Variants in TANK observed in about 807,000 individuals in gnomAD.
TANK encodes the protein TRAF family member-associated NF-kappa-B activator.
Under a neutral mutation model 43.6 loss-of-function variants are expected in TANK, and 15 were observed. The observed-to-expected ratio is 0.34, with a 90% CI of 0.23 to 0.53. The LOEUF is 0.53. Ranked by LOEUF, TANK falls within the 20% of genes least tolerant of loss-of-function variation. The pLI, the probability that TANK is intolerant of heterozygous loss-of-function variation, is 0.94. For missense variants in TANK, 417 were observed against 498.6 expected (o/e 0.84, Z 1.56); for synonymous variants, 162 against 178.2 (o/e 0.91, Z 0.73).
At chr2:161,160,653 C>T (rs1684375924) in intron 1 of TANK, 167 bp downstream of exon 1, 2 of 532,022 alleles carry the variant, frequency 3.8e-6, no homozygotes, top group African/African-American at 1.9e-5. Flanking sequence ...GGATTTTGTG[C>T]GGGAGAAACC....
chr2:161,143,385 A>T (rs189715502), intron 1 of TANK, among the ~76,000 whole-genome samples: 3 of 152,362 alleles, frequency 2.0e-5, no homozygotes, highest in African/African-American at 7.2e-5. Flanking sequence ...GAGAGAGGGC[A>T]TCCTTGTCTT....
chr2:161,137,983 T>C, intron 1 of TANK: 2 of 608,536 alleles, frequency 3.3e-6, no homozygotes, highest in Non-Finnish European at 4.1e-6. Flanking sequence ...AAAATAATAA[T>C]AATGATTAAC....
intron 2 of TANK, among the ~76,000 whole-genome samples, chr2:161,191,139 G>A (rs1239123748): frequency 6.6e-6 from 1 of 152,124 alleles, no homozygotes; most frequent in African/African-American, 2.4e-5. Context: ...TTTTCTTTGA[G>A]AAGTCAGTAT....
chr2:161,209,371 T>C (rs1177126925), intron 4 of TANK, among the ~76,000 whole-genome samples: 1 of 152,224 alleles, frequency 6.6e-6, no homozygotes, highest in Non-Finnish European at 1.5e-5. Flanking sequence ...TAGTAACTTA[T>C]GTCCATGTTA....
intron 1 of TANK, among the ~76,000 whole-genome samples, chr2:161,168,399 A>C (rs1462538207): frequency 6.6e-6 from 1 of 152,124 alleles, no homozygotes; most frequent in Non-Finnish European, 1.5e-5. Flanking sequence ...ATTTCCAAGA[A>C]CTGAAGGAGG....
At chr2:161,186,131 G>C (rs996282905) in intron 2 of TANK, among the ~76,000 whole-genome samples, 21 of 152,140 alleles carry the variant, frequency 1.4e-4, no homozygotes, top group African/African-American at 5.1e-4. Flanking sequence ...TGAGGCTGCA[G>C]TGAGCTGAGA....
intron 1 of TANK, among the ~76,000 whole-genome samples, chr2:161,174,256 CTATT>C (rs1196074481): frequency 6.6e-6 from 1 of 151,890 alleles, no homozygotes; most frequent in Non-Finnish European, 1.5e-5. Flanking sequence ...TTTTTTCAGT[CTATT>C]TAGTAAAGTG....
At chr2:161,221,852 A>C (rs957119751) in intron 4 of TANK, among the ~76,000 whole-genome samples, 4 of 152,118 alleles carry the variant, frequency 2.6e-5, no homozygotes, top group Middle Eastern at 3.2e-3. Context: ...AAACAAAAAT[A>C]ATAGTAAGCA....
Position 161,235,444 on chromosome 2 carries a change from GT to G in TANK, c.1208del (p.Phe403SerfsTer36). The G allele has an allele frequency of 6.2e-7, 1 of 1,613,804 alleles. No individual in the cohort carries two copies. Reference protein sequence around the residue: ...IPRVCEFCQAVFPPSITSRGD... With the variant: ...IPRVCEFCQAXFPPSITSRGD... ...TCGAGTATGTGAATTCTGTCAAGCAGTTTTCCCACCATCCATTACATCCAGG... is the reference window on the plus strand; with the variant it reads ...TCGAGTATGTGAATTCTGTCAAGCAGTTTCCCACCATCCATTACATCCAGG... On this transcript the variant is annotated frameshift_variant, in exon 8 of 8. Coordinates refer to ENST00000392749, the MANE Select transcript of TANK (RefSeq NM_001199135.3). LOFTEE classifies it high-confidence loss of function.
chr2:161,137,010 T>C (rs1298415744), exon 1 of TANK: 3 of 985,306 alleles, frequency 3.0e-6, no homozygotes, highest in Non-Finnish European at 3.6e-6. Flanking sequence ...TGTAACTGTC[T>C]TCATCTTTAC....
intron 2 of TANK, among the ~76,000 whole-genome samples, chr2:161,196,656 A>T (rs1686165051): frequency 6.6e-6 from 1 of 152,154 alleles, no homozygotes; most frequent in South Asian, 2.1e-4. Flanking sequence ...GGAGTTCAAA[A>T]CCAGCCTGGC....
At chr2:161,195,183 A>G (rs1253616128) in intron 2 of TANK, among the ~76,000 whole-genome samples, 1 of 152,220 alleles carries the variant, frequency 6.6e-6, no homozygotes, top group African/African-American at 2.4e-5. Flanking sequence ...TCAAAAATAT[A>G]TTGAGCAGCT....
intron 7 of TANK, among the ~76,000 whole-genome samples, chr2:161,234,526 TA>T (rs1224969558): frequency 2.0e-5 from 3 of 152,086 alleles, no homozygotes; most frequent in Non-Finnish European, 4.4e-5. Flanking sequence ...TCTAGAAATT[TA>T]AAAAAAAGAA....
intron 1 of TANK, chr2:161,140,073 T>C (rs1683698804): frequency 2.9e-6 from 1 of 350,236 alleles, no homozygotes; most frequent in Non-Finnish European, 4.0e-6. Flanking sequence ...TATATTTTTA[T>C]TTTCTAGAAC....
intron 4 of TANK, chr2:161,223,052 C>G (rs1030510339): frequency 6.6e-6 from 1 of 151,926 alleles, no homozygotes; most frequent in African/African-American, 2.4e-5. Context: ...GCTACAATGA[C>G]CTTAATTGAA....
At chr2:161,137,145 G>T (rs1485437560) in intron 1 of TANK, 2 of 985,278 alleles carry the variant, frequency 2.0e-6, no homozygotes, top group African/African-American at 3.5e-5. Flanking sequence ...TTGCAGATGT[G>T]TTACCCTCTT....
intron 7 of TANK, among the ~76,000 whole-genome samples, chr2:161,233,054 A>C (rs187166102): frequency 9.4e-4 from 143 of 152,278 alleles, no homozygotes; most frequent in African/African-American, 3.3e-3. Flanking sequence ...AGTATTATGC[A>C]AGCTAGTATA....
upstream of TANK, chr2:161,160,360 G>A (rs117049972): frequency 2.5e-3 from 2,789 of 1,120,850 alleles, 64 homozygotes; most frequent in East Asian, 0.046. Flanking sequence ...TGGAGGTGAA[G>A]AGTTAATGGC....
At chr2:161,199,713 T>G (rs1478421051) in intron 2 of TANK, among the ~76,000 whole-genome samples, 1 of 152,168 alleles carries the variant, frequency 6.6e-6, no homozygotes, top group Non-Finnish European at 1.5e-5. Context: ...CACCAGTGTT[T>G]TAAGTTTTAC....
Sources: allele counts gnomAD v4.1 joint callset (sites outside exome capture counted in the v4.1 genomes callset), GRCh38; gene constraint gnomAD v4.1.1; transcripts MANE v1.5; gene names NCBI Gene and HGNC (gene_info 2026-07-23, HGNC 2026-07-21).